Variants in R3HDM2 observed in about 807,000 individuals in gnomAD.
R3HDM2 encodes the protein R3H domain-containing protein 2.
Under a neutral mutation model 124.5 loss-of-function variants are expected in R3HDM2, and 38 were observed. The ratio of observed to expected loss-of-function variants is 0.31; its 90% CI spans 0.24 to 0.40. The LOEUF (loss-of-function observed/expected upper bound fraction) is 0.40. Ranked by LOEUF, R3HDM2 falls within the 10% of genes least tolerant of loss-of-function variation. The probability of loss-of-function intolerance (pLI) is 1.00; values close to 1 mark genes in which losing one functional copy is unlikely to be tolerated. For synonymous variants in R3HDM2, 391 were observed against 448.0 expected (o/e 0.87, Z 1.61); for missense variants, 869 against 1,236.9 (o/e 0.70, Z 4.46).
intron 1 of R3HDM2, among the ~76,000 whole-genome samples, chr12:57,412,213 T>A (rs1197291689): frequency 6.6e-6 from 1 of 152,080 alleles, no homozygotes; most frequent in Non-Finnish European, 1.5e-5. Context: ...ATATGTAAAA[T>A]ATATATGCAG....
At chr12:57,412,110 T>C (rs2069057986) in intron 1 of R3HDM2, among the ~76,000 whole-genome samples, 1 of 152,180 alleles carries the variant, frequency 6.6e-6, no homozygotes, top group African/African-American at 2.4e-5. Flanking sequence ...TCTTTATAAA[T>C]TACCCAGTCT....
intron 3 of R3HDM2, among the ~76,000 whole-genome samples, chr12:57,306,979 C>T (rs1214782128): frequency 6.6e-6 from 1 of 152,090 alleles, no homozygotes. Context: ...TGCGCCACTG[C>T]GCTCCAGCCT....
chr12:57,267,543 G>A (rs937290155), intron 18 of R3HDM2, among the ~76,000 whole-genome samples: 2 of 152,250 alleles, frequency 1.3e-5, no homozygotes, highest in Admixed American at 1.3e-4. Context: ...ACAAGAGCAA[G>A]ACTCCATCTC....
intron 2 of R3HDM2, among the ~76,000 whole-genome samples, chr12:57,358,406 T>G (rs1469802952): frequency 5.3e-5 from 8 of 152,048 alleles, no homozygotes; most frequent in Non-Finnish European, 8.8e-5. Context: ...GGAGGTCAAG[T>G]TGGGTGGATC....
intron 2 of R3HDM2, among the ~76,000 whole-genome samples, chr12:57,354,090 G>C (rs1240766285): frequency 1.3e-5 from 2 of 151,874 alleles, no homozygotes; most frequent in African/African-American, 2.4e-5. Context: ...CTGACCTCTT[G>C]AACTCCTGAC....
At chr12:57,331,142 A>G (rs1395649749) in intron 2 of R3HDM2, among the ~76,000 whole-genome samples, 1 of 152,058 alleles carries the variant, frequency 6.6e-6, no homozygotes, top group South Asian at 2.1e-4. Flanking sequence ...TGACTGCAAC[A>G]TCCCTCTAAT....
chr12:57,407,584 T>C (rs1433320675), intron 1 of R3HDM2, among the ~76,000 whole-genome samples: 3 of 151,396 alleles, frequency 2.0e-5, no homozygotes, highest in Non-Finnish European at 2.9e-5. Context: ...TTTTTGTGTT[T>C]TTAGTAGAGA....
chr12:57,394,533 G>A (rs1052349874), intron 2 of R3HDM2, among the ~76,000 whole-genome samples: 4 of 152,196 alleles, frequency 2.6e-5, no homozygotes, highest in South Asian at 2.1e-4. Flanking sequence ...CTGAGATGGC[G>A]CATGTATACC....
At chr12:57,413,699 G>A (rs535723571) in intron 1 of R3HDM2, among the ~76,000 whole-genome samples, 80 of 151,582 alleles carry the variant, frequency 5.3e-4, no homozygotes, top group Non-Finnish European at 9.1e-4. Context: ...TCGCACCACT[G>A]TACTCCAGCC....
At chr12:57,319,010 G>T (rs1247384438) in intron 2 of R3HDM2, among the ~76,000 whole-genome samples, 2 of 152,138 alleles carry the variant, frequency 1.3e-5, no homozygotes, top group Non-Finnish European at 1.5e-5. Flanking sequence ...TCAAAAACCA[G>T]AAAGGAAAGT....
rs529851348 is a variant in R3HDM2, at chr12:57,363,114, C to T, written c.-36+32635G>A. Among the ~76,000 whole-genome samples, 6 of 152,298 alleles carry T rather than the reference C, an allele frequency of 3.9e-5. No individual in the cohort carries two copies. In the East Asian group the frequency reaches 5.8e-4, roughly 15 times the overall value. On this transcript the variant is annotated intron_variant, in intron 2 of 23. Transcript: ENST00000402412. ...CTGGAATTACAGGCATAAGCCACTG[C>T]GCCCAGCCTGCATTATTTTATTTCT... is the stretch of plus-strand genomic sequence containing the variant.
chr12:57,373,695 C>A, intron 2 of R3HDM2, among the ~76,000 whole-genome samples: 1 of 151,700 alleles, frequency 6.6e-6, no homozygotes. Flanking sequence ...TATTTGTAAT[C>A]CCAGCTACTT....
chr12:57,298,599 T>C (rs1327250540), intron 6 of R3HDM2, among the ~76,000 whole-genome samples: 2 of 152,058 alleles, frequency 1.3e-5, no homozygotes, highest in African/African-American at 4.8e-5. Context: ...TATGTCTTTT[T>C]GCTACCAGTA....
At chr12:57,347,958 T>G (rs2060234151) in intron 2 of R3HDM2, among the ~76,000 whole-genome samples, 1 of 152,118 alleles carries the variant, frequency 6.6e-6, no homozygotes, top group African/African-American at 2.4e-5. Flanking sequence ...CTTGCCTAGG[T>G]GACAGAGCAA....
chr12:57,263,520 G>A (rs1025835680), intron 19 of R3HDM2, among the ~76,000 whole-genome samples: 7 of 152,180 alleles, frequency 4.6e-5, no homozygotes, highest in Non-Finnish European at 1.0e-4. Flanking sequence ...CCAGGCTGGA[G>A]TGCAGTGGCG....
chr12:57,328,069 G>A (rs2057561413), intron 2 of R3HDM2, among the ~76,000 whole-genome samples: 1 of 136,686 alleles, frequency 7.3e-6, no homozygotes, highest in African/African-American at 2.6e-5. Flanking sequence ...GTAAATTCAC[G>A]TTATCTTTTT....
intron 2 of R3HDM2, among the ~76,000 whole-genome samples, chr12:57,311,240 T>G (rs1028425535): frequency 2.2e-4 from 34 of 151,892 alleles, no homozygotes; most frequent in Non-Finnish European, 4.3e-4. Context: ...TATATATATA[T>G]TTTGAGATGG....
intron 11 of R3HDM2, among the ~76,000 whole-genome samples, chr12:57,292,006 G>C (rs1448342161): frequency 6.6e-6 from 1 of 152,224 alleles, no homozygotes; most frequent in Non-Finnish European, 1.5e-5. Flanking sequence ...AAGAAATATA[G>C]GAAGAAAGAG....
At chr12:57,391,583 T>C (rs2138691289) in intron 2 of R3HDM2, among the ~76,000 whole-genome samples, 1 of 152,276 alleles carries the variant, frequency 6.6e-6, no homozygotes, top group African/African-American at 2.4e-5. Flanking sequence ...CAAATACAAG[T>C]ACATGTAAAA....
Sources: allele counts gnomAD v4.1 joint callset (sites outside exome capture counted in the v4.1 genomes callset), GRCh38; gene constraint gnomAD v4.1.1; transcripts MANE v1.5; gene names NCBI Gene and HGNC (gene_info 2026-07-23, HGNC 2026-07-21).